ERBB4: variants seen among roughly 807,000 people sequenced by gnomAD.
ERBB4 encodes the protein erb-b2 receptor tyrosine kinase 4.
ERBB4 carries 42 observed loss-of-function variants against 158.0 expected under a neutral mutation model. The ratio of observed to expected loss-of-function variants is 0.27; its 90% CI spans 0.21 to 0.34. The LOEUF is 0.34. Ranked by LOEUF, ERBB4 falls within the 10% of genes least tolerant of loss-of-function variation. The probability of loss-of-function intolerance (pLI) is 1.00; values close to 1 mark genes in which losing one functional copy is unlikely to be tolerated. For synonymous variants in ERBB4, 583 were observed against 558.7 expected (o/e 1.04, Z -0.61); for missense variants, 1,333 against 1,624.1 (o/e 0.82, Z 3.08).
At chr2:212,235,498 C>A (rs1168895366) in intron 1 of ERBB4, among the ~76,000 whole-genome samples, 1 of 152,076 alleles carries the variant, frequency 6.6e-6, no homozygotes, top group Non-Finnish European at 1.5e-5. Flanking sequence ...GGTTTTAATT[C>A]TGTGAAGAAA....
chr2:212,391,182 A>G (rs2090842418), intron 1 of ERBB4, among the ~76,000 whole-genome samples: 1 of 151,792 alleles, frequency 6.6e-6, no homozygotes, highest in African/African-American at 2.4e-5. Flanking sequence ...AAATACACCA[A>G]TAAAATTGTT....
rs879670500 is a variant in ERBB4, at chr2:212,080,024, TA to T, written c.234+44727del. ...TCATAAAAGGAAGGAGCTCCTCACATAAAAAAAAATTAACAGAAATCAGCTG... is the reference window on the plus strand; with the variant it reads ...TCATAAAAGGAAGGAGCTCCTCACATAAAAAAAATTAACAGAAATCAGCTG... On this transcript the variant is annotated intron_variant, in intron 2 of 27. Transcript: ENST00000342788. Among the ~76,000 whole-genome samples the T allele has an allele frequency of 3.1e-3, 471 of 151,006 alleles. 2 individuals are homozygous for T. The highest frequency in any genetic ancestry group is 3.4e-3 in the Middle Eastern group (1 of 292).
At chr2:212,389,009 CT>C (rs1441349897) in intron 1 of ERBB4, among the ~76,000 whole-genome samples, 1 of 152,014 alleles carries the variant, frequency 6.6e-6, no homozygotes, top group East Asian at 1.9e-4. Flanking sequence ...CAATAAGCAG[CT>C]TTTATGTGAT....
chr2:212,512,067 A>C (rs1364215758), intron 1 of ERBB4, among the ~76,000 whole-genome samples: 1 of 152,176 alleles, frequency 6.6e-6, no homozygotes, highest in East Asian at 1.9e-4. Context: ...CTGAACTGGC[A>C]TGAGAAATGA....
intron 1 of ERBB4, among the ~76,000 whole-genome samples, chr2:212,327,232 C>T (rs7562176): frequency 0.19 from 28,896 of 151,366 alleles, 3,869 homozygotes; most frequent in South Asian, 0.27. Flanking sequence ...CTAAGTACTT[C>T]AAGTATATTA....
intron 3 of ERBB4, among the ~76,000 whole-genome samples, chr2:211,821,845 A>G (rs1047255476): frequency 1.3e-5 from 2 of 152,052 alleles, no homozygotes; most frequent in African/African-American, 4.8e-5. Context: ...CATGCTAGAT[A>G]TAGTTAATTC....
chr2:211,673,107 A>C (rs2071906617), intron 14 of ERBB4, 57 bp downstream of exon 14: 1 of 1,243,624 alleles, frequency 8.0e-7, no homozygotes, highest in South Asian at 1.2e-5. Flanking sequence ...AAATAATAAC[A>C]AACATTCATA....
chr2:211,612,452 T>C (rs2069235393), intron 19 of ERBB4, among the ~76,000 whole-genome samples: 1 of 151,960 alleles, frequency 6.6e-6, no homozygotes, highest in Non-Finnish European at 1.5e-5. Flanking sequence ...TGAGTACTAT[T>C]AGTAAGTTAT....
chr2:212,166,178 C>T (rs13029563), intron 1 of ERBB4, among the ~76,000 whole-genome samples: 91,501 of 151,700 alleles, frequency 0.6, 28,646 homozygotes, highest in African/African-American at 0.67. Flanking sequence ...AGACACAGTC[C>T]CTGACCTTTG....
intron 1 of ERBB4, among the ~76,000 whole-genome samples, chr2:212,357,772 G>A (rs984262134): frequency 2.6e-5 from 4 of 151,760 alleles, no homozygotes; most frequent in Admixed American, 6.6e-5. Flanking sequence ...TCAGCCCCAC[G>A]GTCACTTGGT....
At chr2:211,432,713 CTCTT>C (rs1559162819) in intron 20 of ERBB4, among the ~76,000 whole-genome samples, 1 of 151,964 alleles carries the variant, frequency 6.6e-6, no homozygotes, top group African/African-American at 2.4e-5. Flanking sequence ...ATTCATTATT[CTCTT>C]TCTTATCACC....
chr2:211,474,602 A>G (rs1167016638), intron 20 of ERBB4, among the ~76,000 whole-genome samples: 1 of 152,050 alleles, frequency 6.6e-6, no homozygotes, highest in Non-Finnish European at 1.5e-5. Flanking sequence ...AAATCTTTTA[A>G]CCTGGAAAGA....
Position 211,509,156 on chromosome 2 carries a change from G to C in ERBB4, c.2487+52747C>G, listed in dbSNP as rs561813167. 8.4e-5 allele frequency among the ~76,000 whole-genome samples: 3 copies of C among 35,514 alleles called. 1 individual carries two copies. Among genetic ancestry groups the C allele is most frequent in the Non-Finnish European group, 2.2e-4 (3 of 13,766 alleles). 23.3% of individuals were successfully genotyped at this position (35,514 alleles called of 152,430 possible). A position where few individuals can be genotyped will look rare whatever the true frequency, so the allele number is the denominator to read the frequency against. ...AATGAGAAGACATGGACACAGGGAGGGGGGAGTATCACGCACCAGAGCCTG... is the reference window on the plus strand; with the variant it reads ...AATGAGAAGACATGGACACAGGGAGCGGGGAGTATCACGCACCAGAGCCTG... On this transcript the variant is annotated intron_variant, in intron 20 of 27. Transcript: ENST00000342788.
intron 1 of ERBB4, among the ~76,000 whole-genome samples, chr2:212,474,695 C>T (rs1347973655): frequency 6.6e-6 from 1 of 152,086 alleles, no homozygotes; most frequent in Non-Finnish European, 1.5e-5. Context: ...ACTCTCTAGC[C>T]TTAGTCTCTC....
chr2:211,690,658 T>A (rs913055401), intron 12 of ERBB4, among the ~76,000 whole-genome samples: 41 of 152,228 alleles, frequency 2.7e-4, no homozygotes, highest in African/African-American at 8.9e-4. Flanking sequence ...TATCTCCACA[T>A]AGCATAGAAC....
At chr2:211,539,529 C>A (rs896977313) in intron 20 of ERBB4, among the ~76,000 whole-genome samples, 1 of 151,962 alleles carries the variant, frequency 6.6e-6, no homozygotes, top group Non-Finnish European at 1.5e-5. Flanking sequence ...AATTTGTCCT[C>A]CTATTCTGCA....
intron 1 of ERBB4, among the ~76,000 whole-genome samples, chr2:212,515,178 A>ATC (rs1202043587): frequency 6.6e-6 from 1 of 152,234 alleles, no homozygotes; most frequent in Non-Finnish European, 1.5e-5. Context: ...CACAGAACAC[A>ATC]GAGATTACTT....
At chr2:212,372,170 C>T (rs762893548) in intron 1 of ERBB4, among the ~76,000 whole-genome samples, 11 of 152,026 alleles carry the variant, frequency 7.2e-5, no homozygotes, top group Non-Finnish European at 1.3e-4. Flanking sequence ...ATCGATAATA[C>T]ACTAGGTTCA....
chr2:212,461,047 C>T (rs561691476), intron 1 of ERBB4, among the ~76,000 whole-genome samples: 3 of 152,206 alleles, frequency 2.0e-5, no homozygotes, highest in South Asian at 2.1e-4. Context: ...TCCTGGATGT[C>T]GAGGTAGAAG....
Sources: allele counts gnomAD v4.1 joint callset (sites outside exome capture counted in the v4.1 genomes callset), GRCh38; gene constraint gnomAD v4.1.1; transcripts MANE v1.5; gene names NCBI Gene and HGNC (gene_info 2026-07-23, HGNC 2026-07-21).